MAML2: variants seen among roughly 807,000 people sequenced by gnomAD.
MAML2 encodes the protein mastermind like transcriptional coactivator 2, also known as mastermind-like protein 2.
MAML2 carries 22 observed loss-of-function variants against 96.1 expected under a neutral mutation model. That is an observed-to-expected ratio of 0.23 (90% CI 0.16 to 0.33). MAML2 has a LOEUF of 0.33. MAML2 is among the 10% of genes least tolerant of loss of function. MAML2 has a pLI of 1.00. For missense variants in MAML2, 1,367 were observed against 1,392.4 expected, an observed-to-expected ratio of 0.98 and a Z score of 0.29; for synonymous variants, 561 against 521.3, an observed-to-expected ratio of 1.08 and a Z score of -1.04.
intron 2 of MAML2, among the ~76,000 whole-genome samples, chr11:96,021,075 T>C (rs1179976529): frequency 1.3e-5 from 2 of 152,234 alleles, no homozygotes; most frequent in Non-Finnish European, 2.9e-5. Context: ...AGTAGAGTTA[T>C]ATGTAAATGT....
chr11:96,332,890 A>T (rs910373442), intron 1 of MAML2, among the ~76,000 whole-genome samples: 1 of 152,230 alleles, frequency 6.6e-6, no homozygotes, highest in African/African-American at 2.4e-5. Flanking sequence ...ATTGTATTCA[A>T]TTAAGCTACT....
In MAML2 at chr11:96,183,402, C is replaced by T. The variant is rs537855735; in HGVS notation, c.514-89885G>A. On this transcript the variant is annotated intron_variant, in intron 1 of 4. Coordinates refer to ENST00000524717, the MANE Select transcript of MAML2 (RefSeq NM_032427.4). ...TCCCTTCCTCCGTTCCTCCCCCCCC[C>T]CCCTTTCTTTTGAGACAAGGGTTCT... 3.5e-3 allele frequency among the ~76,000 whole-genome samples: 181 copies of T among 51,476 alleles called. 3 individuals carry two copies. The highest frequency in any genetic ancestry group is 0.015 in the African/African-American group (169 of 11,484). The allele number at this position is 51,476 out of a possible 152,430, so 33.8% of individuals were successfully genotyped here. A position where few individuals can be genotyped will look rare whatever the true frequency, so the allele number is the denominator to read the frequency against.
chr11:96,286,627 C>CTTTTTTTTT (rs10550785), intron 1 of MAML2, among the ~76,000 whole-genome samples: 2 of 142,612 alleles, frequency 1.4e-5, no homozygotes, highest in African/African-American at 2.6e-5. Flanking sequence ...TTCTTTTTAT[C>CTTTTTTTTT]TTTTTTTTTT....
At chr11:96,124,605 G>A (rs931332331) in intron 1 of MAML2, among the ~76,000 whole-genome samples, 16 of 152,118 alleles carry the variant, frequency 1.1e-4, no homozygotes, top group African/African-American at 3.9e-4. Context: ...ATAAAGTTCT[G>A]TAGACACCAG....
At chr11:96,081,362 T>C (rs1859526799) in intron 2 of MAML2, among the ~76,000 whole-genome samples, 1 of 152,126 alleles carries the variant, frequency 6.6e-6, no homozygotes, top group South Asian at 2.1e-4. Context: ...AACAGAAACA[T>C]CAAAGTCAAC....
intron 2 of MAML2, among the ~76,000 whole-genome samples, chr11:96,086,472 T>C (rs36039638): frequency 8.1e-5 from 12 of 148,744 alleles, no homozygotes; most frequent in South Asian, 2.1e-4. Flanking sequence ...GTTTTTTTTT[T>C]CCCATTTTAA....
intron 1 of MAML2, among the ~76,000 whole-genome samples, chr11:96,221,783 C>G (rs1011718157): frequency 7.3e-6 from 1 of 136,612 alleles, no homozygotes; most frequent in African/African-American, 2.8e-5. Context: ...TAATAGAAAA[C>G]AGCTAAAATG....
At position 96,199,282 on chromosome 11, in the gene MAML2, C is replaced by T. The variant is rs886696727; in HGVS notation, c.514-105765G>A. On this transcript the variant is annotated intron_variant, in intron 1 of 4. Coordinates refer to ENST00000524717, the MANE Select transcript of MAML2 (RefSeq NM_032427.4). ...ATTTTCTCCTTCTTCCCAGCTGGAC[C>T]ACTAGCAGCCATCTTGTCCGTGACA... Among the ~76,000 whole-genome samples, 5 of 151,460 alleles carry T rather than the reference C, an allele frequency of 3.3e-5. No individual in the cohort carries two copies. The East Asian group carries it at 7.7e-4, about 23-fold the overall frequency.
intron 1 of MAML2, among the ~76,000 whole-genome samples, chr11:96,276,301 T>G (rs893826386): frequency 5.3e-5 from 8 of 152,228 alleles, no homozygotes; most frequent in Non-Finnish European, 1.0e-4. Context: ...TCTTGCTGAC[T>G]GATAACTCTG....
chr11:96,061,300 G>T (rs1438833234), intron 2 of MAML2, among the ~76,000 whole-genome samples: 1 of 152,128 alleles, frequency 6.6e-6, no homozygotes, highest in Non-Finnish European at 1.5e-5. Context: ...TGGCTTTTCT[G>T]GATGCAGAGA....
chr11:95,997,944 A>T (rs186320301), intron 2 of MAML2, among the ~76,000 whole-genome samples: 1,783 of 152,220 alleles, frequency 0.012, 20 homozygotes, highest in Middle Eastern at 0.041. Context: ...ATATATATAT[A>T]TTTTTAAAAT....
intron 3 of MAML2, among the ~76,000 whole-genome samples, chr11:95,986,422 G>T (rs892343946): frequency 6.6e-6 from 1 of 151,678 alleles, no homozygotes; most frequent in Non-Finnish European, 1.5e-5. Context: ...GGCTGGTCTC[G>T]AACTCCTGAC....
intron 2 of MAML2, among the ~76,000 whole-genome samples, chr11:96,032,664 A>G (rs994187530): frequency 1.3e-5 from 2 of 152,106 alleles, no homozygotes; most frequent in Non-Finnish European, 2.9e-5. Context: ...TTTGGTGAAT[A>G]GATAAACAAA....
chr11:96,279,441 T>C (rs143044348), intron 1 of MAML2, among the ~76,000 whole-genome samples: 275 of 152,328 alleles, frequency 1.8e-3, no homozygotes, highest in African/African-American at 5.9e-3. Context: ...ATTCTTACAT[T>C]CAGTATACAG....
chr11:96,188,681 A>C (rs981093414), intron 1 of MAML2, among the ~76,000 whole-genome samples: 4 of 151,432 alleles, frequency 2.6e-5, no homozygotes, highest in Non-Finnish European at 5.9e-5. Flanking sequence ...TGAAAACGTG[A>C]GTGGTAGTTT....
intron 2 of MAML2, among the ~76,000 whole-genome samples, chr11:96,058,111 A>G (rs1469526486): frequency 6.6e-6 from 1 of 152,228 alleles, no homozygotes; most frequent in Non-Finnish European, 1.5e-5. Flanking sequence ...TTTAATGAGT[A>G]GATTTGGGGA....
At chr11:96,101,717 G>C (rs1565215083) in intron 1 of MAML2, among the ~76,000 whole-genome samples, 1 of 152,202 alleles carries the variant, frequency 6.6e-6, no homozygotes, top group Non-Finnish European at 1.5e-5. Flanking sequence ...CAGTCAGAGA[G>C]ATGAACTTGA....
At chr11:96,086,189 A>G (rs1859609438) in intron 2 of MAML2, among the ~76,000 whole-genome samples, 1 of 152,214 alleles carries the variant, frequency 6.6e-6, no homozygotes, top group South Asian at 2.1e-4. Flanking sequence ...TTGAGATTAT[A>G]TGAGTATGAA....
intron 2 of MAML2, among the ~76,000 whole-genome samples, chr11:96,056,714 C>G (rs1465001494): frequency 6.6e-6 from 1 of 152,184 alleles, no homozygotes; most frequent in Non-Finnish European, 1.5e-5. Context: ...GAGAAATACA[C>G]TTTCTTTGTT....
Sources: allele counts gnomAD v4.1 joint callset (sites outside exome capture counted in the v4.1 genomes callset), GRCh38; gene constraint gnomAD v4.1.1; transcripts MANE v1.5; gene names NCBI Gene and HGNC (gene_info 2026-07-23, HGNC 2026-07-21).